The following SLC35F1 variants were observed in gnomAD, a reference collection of about 807,000 sequenced individuals.
SLC35F1 encodes the protein chromosome 6 open reading frame 169.
Under a neutral mutation model 48.7 loss-of-function variants are expected in SLC35F1, and 14 were observed. The observed-to-expected ratio is 0.29, with a 90% confidence interval of 0.19 to 0.45. The LOEUF (loss-of-function observed/expected upper bound fraction) is 0.45. Among genes scored for constraint, SLC35F1 ranks in the 20% least tolerant of loss-of-function variants. SLC35F1 has a pLI of 1.00. For missense variants in SLC35F1, 404 were observed against 500.0 expected, an observed-to-expected ratio of 0.81 and a Z score of 1.83; for synonymous variants, 190 against 202.2, an observed-to-expected ratio of 0.94 and a Z score of 0.51.
At chr6:117,909,393 A>G (rs1034883630) in intron 1 of SLC35F1, among the ~76,000 whole-genome samples, 1 of 152,098 alleles carries the variant, frequency 6.6e-6, no homozygotes, top group African/African-American at 2.4e-5. Context: ...GAAAATATTG[A>G]TGTAATATTT....
At chr6:118,095,390 T>C (rs553893086) in intron 1 of SLC35F1, among the ~76,000 whole-genome samples, 1 of 152,158 alleles carries the variant, frequency 6.6e-6, no homozygotes, top group Non-Finnish European at 1.5e-5. Context: ...CAGATTCTCA[T>C]GTTCTTTATC....
chr6:118,018,990 C>T (rs767029833), intron 1 of SLC35F1, among the ~76,000 whole-genome samples: 8 of 152,114 alleles, frequency 5.3e-5, no homozygotes, highest in Non-Finnish European at 7.4e-5. Context: ...ATAATTTGAG[C>T]TCTTTAAGTT....
intron 6 of SLC35F1, among the ~76,000 whole-genome samples, chr6:118,283,840 G>A (rs1354624183): frequency 6.6e-6 from 1 of 152,090 alleles, no homozygotes; most frequent in African/African-American, 2.4e-5. Flanking sequence ...AAAACGGTCC[G>A]TTTTTAGAGA....
chr6:118,023,584 A>G (rs1023846397), intron 1 of SLC35F1, among the ~76,000 whole-genome samples: 2 of 152,194 alleles, frequency 1.3e-5, no homozygotes, highest in African/African-American at 4.8e-5. Flanking sequence ...ATTTGGTGGC[A>G]TGATATATTT....
intron 1 of SLC35F1, among the ~76,000 whole-genome samples, chr6:118,027,499 G>A (rs1383464199): frequency 2.0e-5 from 3 of 151,978 alleles, no homozygotes; most frequent in South Asian, 4.2e-4. Flanking sequence ...GCTTGTAATG[G>A]TATCTCACTG....
intron 1 of SLC35F1, among the ~76,000 whole-genome samples, chr6:117,935,177 A>T (rs1010273219): frequency 6.6e-6 from 1 of 152,228 alleles, no homozygotes; most frequent in Admixed American, 6.5e-5. Context: ...TTCTACACCA[A>T]GAAAACCTAT....
At chr6:118,180,815 A>G (rs947756914) in intron 2 of SLC35F1, among the ~76,000 whole-genome samples, 1 of 152,124 alleles carries the variant, frequency 6.6e-6, no homozygotes, top group African/African-American at 2.4e-5. Context: ...AGAATTAATA[A>G]AAGACACAAA....
intron 1 of SLC35F1, among the ~76,000 whole-genome samples, chr6:117,985,969 G>A (rs1234429275): frequency 6.6e-6 from 1 of 152,202 alleles, no homozygotes; most frequent in African/African-American, 2.4e-5. Flanking sequence ...ATGTGATGGG[G>A]TATCACAAAG....
chr6:118,239,135 G>A (rs889729000), intron 3 of SLC35F1, among the ~76,000 whole-genome samples: 12 of 151,280 alleles, frequency 7.9e-5, no homozygotes, highest in African/African-American at 2.2e-4. Context: ...TGAGAAGGAT[G>A]TTTGCATATT....
chr6:118,064,752 A>G (rs541187899), intron 1 of SLC35F1, among the ~76,000 whole-genome samples: 1 of 152,312 alleles, frequency 6.6e-6, no homozygotes, highest in African/African-American at 2.4e-5. Flanking sequence ...GGAATTTATT[A>G]CTATCTGCAT....
At chr6:117,961,042 A>T (rs907781471) in intron 1 of SLC35F1, among the ~76,000 whole-genome samples, 3 of 152,168 alleles carry the variant, frequency 2.0e-5, no homozygotes, top group African/African-American at 4.8e-5. Flanking sequence ...TGCAAAAAAA[A>T]TTTAAAAAAA....
intron 1 of SLC35F1, among the ~76,000 whole-genome samples, chr6:117,984,907 C>T (rs181421620): frequency 1.3e-5 from 2 of 152,306 alleles, no homozygotes; most frequent in Non-Finnish European, 2.9e-5. Flanking sequence ...AGTCCTTCAT[C>T]CTACACTAAA....
chr6:117,918,204 A>G (rs1393193752), intron 1 of SLC35F1, among the ~76,000 whole-genome samples: 2 of 152,080 alleles, frequency 1.3e-5, no homozygotes, highest in Non-Finnish European at 2.9e-5. Flanking sequence ...CAAGGAATAG[A>G]GTGTAAGGAG....
At chr6:118,147,795 G>A (rs765320390) in intron 1 of SLC35F1, among the ~76,000 whole-genome samples, 23 of 152,058 alleles carry the variant, frequency 1.5e-4, no homozygotes, top group Non-Finnish European at 2.6e-4. Flanking sequence ...ACTTCCTTGC[G>A]TCTTACTTGG....
At chr6:117,917,298 C>T (rs980534972) in intron 1 of SLC35F1, among the ~76,000 whole-genome samples, 4 of 152,026 alleles carry the variant, frequency 2.6e-5, no homozygotes, top group Non-Finnish European at 5.9e-5. Flanking sequence ...GGTCAGTTGT[C>T]AGTTCTAAGT....
At chr6:118,084,867 G>C (rs1306481794) in intron 1 of SLC35F1, among the ~76,000 whole-genome samples, 1 of 152,066 alleles carries the variant, frequency 6.6e-6, no homozygotes, top group Non-Finnish European at 1.5e-5. Flanking sequence ...TGTCTGGTGG[G>C]GGCTTTCAAG....
At chr6:118,024,240 A>T (rs190600941) in intron 1 of SLC35F1, among the ~76,000 whole-genome samples, 5 of 152,226 alleles carry the variant, frequency 3.3e-5, no homozygotes, top group African/African-American at 1.2e-4. Context: ...ATCCCAACAT[A>T]CTCTGTTAAC....
chr6:118,200,835 T>A (rs920602543), intron 2 of SLC35F1, among the ~76,000 whole-genome samples: 1 of 152,200 alleles, frequency 6.6e-6, no homozygotes, highest in Non-Finnish European at 1.5e-5. Context: ...CAACATCATG[T>A]GGCTTCCAGA....
chr6:118,119,238 G>T (rs1773518158), intron 1 of SLC35F1, among the ~76,000 whole-genome samples: 1 of 151,996 alleles, frequency 6.6e-6, no homozygotes, highest in African/African-American at 2.4e-5. Flanking sequence ...AAATAATTCA[G>T]CTGTAACAAT....
Sources: allele counts gnomAD v4.1 joint callset (sites outside exome capture counted in the v4.1 genomes callset), GRCh38; gene constraint gnomAD v4.1.1; transcripts MANE v1.5; gene names NCBI Gene and HGNC (gene_info 2026-07-23, HGNC 2026-07-21).